The following CADPS2 variants were observed in gnomAD, a reference collection of about 807,000 sequenced individuals.
CADPS2 encodes calcium-dependent secretion activator 2.
In CADPS2, 93 loss-of-function variants were observed where a neutral mutation model predicts 172.5. The ratio of observed to expected loss-of-function variants is 0.54; its 90% CI spans 0.46 to 0.64. The LOEUF is 0.64. CADPS2 is among the 30% of genes least tolerant of loss of function. The probability of loss-of-function intolerance (pLI) is 0.00; values close to 1 mark genes in which losing one functional copy is unlikely to be tolerated. For missense variants in CADPS2, 1,420 were observed against 1,565.9 expected (o/e 0.91, Z 1.57); for synonymous variants, 546 against 555.2 (o/e 0.98, Z 0.23).
intron 1 of CADPS2, among the ~76,000 whole-genome samples, chr7:122,841,097 T>C (rs968465584): frequency 6.6e-6 from 1 of 152,162 alleles, no homozygotes; most frequent in African/African-American, 2.4e-5. Flanking sequence ...CCTTATGAAA[T>C]AGGTAAATAT....
chr7:122,551,696 A>G (rs1462972591), intron 8 of CADPS2, among the ~76,000 whole-genome samples: 1 of 152,118 alleles, frequency 6.6e-6, no homozygotes, highest in East Asian at 1.9e-4. Flanking sequence ...GGAGTTTGCT[A>G]TATTTTAAAG....
intron 8 of CADPS2, among the ~76,000 whole-genome samples, chr7:122,542,878 C>T (rs560446228): frequency 3.2e-4 from 48 of 152,110 alleles, no homozygotes; most frequent in African/African-American, 1.1e-3. Flanking sequence ...CATCCATAAA[C>T]ACATACAGTT....
At chr7:122,812,853 G>A (rs992899293) in intron 1 of CADPS2, among the ~76,000 whole-genome samples, 1 of 152,150 alleles carries the variant, frequency 6.6e-6, no homozygotes, top group Non-Finnish European at 1.5e-5. Flanking sequence ...CATTTTTAAA[G>A]TAACTACAGT....
chr7:122,699,969 T>G (rs1297547265), intron 2 of CADPS2, among the ~76,000 whole-genome samples: 1 of 152,198 alleles, frequency 6.6e-6, no homozygotes, highest in African/African-American at 2.4e-5. Flanking sequence ...TTTGCAGAAC[T>G]TAACAAATAT....
At chr7:122,330,165 G>A (rs1477971576) in intron 28 of CADPS2, among the ~76,000 whole-genome samples, 2 of 152,118 alleles carry the variant, frequency 1.3e-5, no homozygotes, top group Admixed American at 6.5e-5. Context: ...CTGTATGTTT[G>A]GCAAGAGTTG....
At chr7:122,865,596 T>C (rs1456740971) in intron 1 of CADPS2, among the ~76,000 whole-genome samples, 2 of 152,238 alleles carry the variant, frequency 1.3e-5, no homozygotes, top group East Asian at 3.9e-4. Flanking sequence ...CAATTCCTCA[T>C]TAAGACTGAT....
chr7:122,832,365 G>C (rs145162767), intron 1 of CADPS2, among the ~76,000 whole-genome samples: 1 of 150,830 alleles, frequency 6.6e-6, no homozygotes, highest in East Asian at 1.9e-4. Context: ...CTTTTAAAAA[G>C]TGTGAGCTTA....
chr7:122,750,011 G>A (rs2092884094), intron 1 of CADPS2, among the ~76,000 whole-genome samples: 1 of 148,932 alleles, frequency 6.7e-6, no homozygotes, highest in African/African-American at 2.5e-5. Flanking sequence ...CCCAGGAAGA[G>A]GGACAAGAAA....
At chr7:122,569,907 T>A (rs1463819385) in intron 7 of CADPS2, among the ~76,000 whole-genome samples, 15 of 144,432 alleles carry the variant, frequency 1.0e-4, no homozygotes, top group East Asian at 4.0e-4. Flanking sequence ...ACTTAAACGT[T>A]AGACCTAAAA....
At chr7:122,510,000 A>T (rs2130764697) in intron 9 of CADPS2, among the ~76,000 whole-genome samples, 1 of 152,294 alleles carries the variant, frequency 6.6e-6, no homozygotes, top group South Asian at 2.1e-4. Context: ...TTAGCAAAAT[A>T]TAGAATGAAG....
intron 14 of CADPS2, among the ~76,000 whole-genome samples, chr7:122,452,082 TGTGA>T (rs1290095165): frequency 7.4e-5 from 11 of 147,900 alleles, no homozygotes; most frequent in Non-Finnish European, 1.4e-4. Flanking sequence ...GTGAAATCAA[TGTGA>T]GTTTCATCAG....
At chr7:122,868,708 C>T (rs1221980176) in intron 1 of CADPS2, among the ~76,000 whole-genome samples, 4 of 152,122 alleles carry the variant, frequency 2.6e-5, no homozygotes, top group Non-Finnish European at 4.4e-5. Flanking sequence ...AATAAAAGAA[C>T]AAGATACATC....
chr7:122,536,464 T>TC (rs1463965556), intron 8 of CADPS2, among the ~76,000 whole-genome samples: 1 of 152,056 alleles, frequency 6.6e-6, no homozygotes, highest in Non-Finnish European at 1.5e-5. Flanking sequence ...AAGATCAAGG[T>TC]TACTTCCTAC....
At chr7:122,760,728 C>A (rs1005439407) in intron 1 of CADPS2, among the ~76,000 whole-genome samples, 41 of 148,002 alleles carry the variant, frequency 2.8e-4, no homozygotes, top group African/African-American at 1.0e-3. Context: ...AACCAAACAC[C>A]GCATGTTCTC....
intron 1 of CADPS2, among the ~76,000 whole-genome samples, chr7:122,819,182 G>C (rs1197990583): frequency 6.6e-6 from 1 of 152,154 alleles, no homozygotes; most frequent in Non-Finnish European, 1.5e-5. Flanking sequence ...CCTCCCACAG[G>C]AGCTTGCTAC....
Position 122,541,798 on chromosome 7 carries a change from CATAT to C in CADPS2, c.1475+12748_1475+12751del, listed in dbSNP as rs560886350. 3.6e-3 allele frequency among the ~76,000 whole-genome samples: 320 copies of C among 88,954 alleles called. 1 individual carries two copies. Among genetic ancestry groups the C allele is most frequent in the East Asian group, 0.033 (107 of 3,282 alleles). 58.4% of individuals were successfully genotyped at this position (88,954 alleles called of 152,430 possible). On this transcript the variant is annotated intron_variant, in intron 8 of 29. Transcript: ENST00000449022. ...ACATATATTCATATATTTATATATT[CATAT>C]ATATTTATATATTCATATGTTTATA...
intron 3 of CADPS2, among the ~76,000 whole-genome samples, chr7:122,645,226 G>A (rs147239936): frequency 5.1e-4 from 21 of 41,372 alleles, no homozygotes; most frequent in South Asian, 1.5e-3. Flanking sequence ...ATATATATAC[G>A]CTAAGTATAT....
intron 1 of CADPS2, among the ~76,000 whole-genome samples, chr7:122,774,068 T>C (rs980379134): frequency 1.3e-5 from 2 of 152,178 alleles, no homozygotes; most frequent in East Asian, 1.9e-4. Flanking sequence ...ACTAAAGTCT[T>C]GCAAGCATTT....
intron 9 of CADPS2, among the ~76,000 whole-genome samples, chr7:122,499,614 C>T (rs1310373669): frequency 1.3e-5 from 2 of 152,072 alleles, no homozygotes; most frequent in African/African-American, 4.8e-5. Context: ...TTCCAAATAG[C>T]AAGTCTAACT....
Sources: allele counts gnomAD v4.1 joint callset (sites outside exome capture counted in the v4.1 genomes callset), GRCh38; gene constraint gnomAD v4.1.1; transcripts MANE v1.5; gene names NCBI Gene and HGNC (gene_info 2026-07-23, HGNC 2026-07-21).